PPFIBP2: variants seen among roughly 807,000 people sequenced by gnomAD.
PPFIBP2 encodes PPFIB scaffold protein 2.
PPFIBP2 carries 118 observed loss-of-function variants against 118.3 expected under a neutral mutation model. That is an observed-to-expected ratio of 1.00 (90% CI 0.86 to 1.16). The LOEUF (loss-of-function observed/expected upper bound fraction) is 1.16. Among genes scored for constraint, PPFIBP2 ranks in the 50% most tolerant of loss-of-function variants. The pLI is 0.00. For missense variants in PPFIBP2, 1,195 were observed against 1,073.1 expected (o/e 1.11, Z -1.59); for synonymous variants, 414 against 397.4 (o/e 1.04, Z -0.50).
chr11:7,648,365 A>G (rs1853435708), intron 17 of PPFIBP2, 22 bp from the exon 18 acceptor site: 3 of 1,599,916 alleles, frequency 1.9e-6, no homozygotes, highest in Admixed American at 1.7e-5. Context: ...TAACAGGAAT[A>G]TGCTGTTTTC....
At chr11:7,530,574 C>T (rs116509982) in intron 1 of PPFIBP2, among the ~76,000 whole-genome samples, 4,797 of 152,282 alleles carry the variant, frequency 0.032, 257 homozygotes, top group African/African-American at 0.11. Context: ...CATCTGTGAA[C>T]CAAGAAGCAA....
intron 1 of PPFIBP2, among the ~76,000 whole-genome samples, chr11:7,517,853 G>A (rs748139107): frequency 1.9e-4 from 29 of 152,252 alleles, no homozygotes; most frequent in Non-Finnish European, 3.4e-4. Flanking sequence ...ATCCGAGTAG[G>A]AGGTTTTGGC....
chr11:7,655,590 G>A (rs1854609648), downstream of PPFIBP2: 2 of 1,056,816 alleles, frequency 1.9e-6, no homozygotes, highest in Non-Finnish European at 2.6e-6. Flanking sequence ...CAAGGCCTGG[G>A]GGACGGCGAA....
chr11:7,665,419 G>C, the PPFIBP2 span: 1 of 1,610,448 alleles, frequency 6.2e-7, no homozygotes, highest in Non-Finnish European at 8.5e-7. Flanking sequence ...GCTTCTCCAG[G>C]TTAGGGTGAG....
chr11:7,628,439 A>T, intron 9 of PPFIBP2, 93 bp downstream of exon 9: 25 of 1,141,896 alleles, frequency 2.2e-5, no homozygotes, highest in Non-Finnish European at 3.2e-5. Context: ...GGACAGGACC[A>T]TGCTTATCAT....
chr11:7,565,840 A>C, intron 3 of PPFIBP2, 73 bp downstream of exon 3: 1 of 1,515,102 alleles, frequency 6.6e-7, no homozygotes, highest in Non-Finnish European at 9.0e-7. Context: ...GCCACTGCTG[A>C]CTGGGGCTGT....
chr11:7,576,806 T>G (rs1856396596), intron 3 of PPFIBP2: 1 of 152,370 alleles, frequency 6.6e-6, no homozygotes, highest in South Asian at 2.1e-4. Context: ...GCAAACGCTC[T>G]GTGCTGGGCC....
At chr11:7,558,390 AGAG>A (rs759075831) in intron 2 of PPFIBP2, among the ~76,000 whole-genome samples, 11 of 152,236 alleles carry the variant, frequency 7.2e-5, no homozygotes, top group Non-Finnish European at 1.6e-4. Context: ...GAATGCAAGT[AGAG>A]GAGAACAAAA....
chr11:7,653,917 G>A (rs1854437618), downstream of PPFIBP2: 2 of 700,988 alleles, frequency 2.9e-6, no homozygotes, highest in Non-Finnish European at 2.0e-6. Flanking sequence ...AGCAAGGCGG[G>A]ACCCCCTCCC....
At chr11:7,661,005 AT>A (rs1296649495), downstream of PPFIBP2, among the ~76,000 whole-genome samples, 3 of 151,732 alleles carry the variant, frequency 2.0e-5, no homozygotes, top group Admixed American at 6.6e-5. Context: ...CCCCTGTATC[AT>A]TTTTTATTGT....
At chr11:7,552,042 G>T (rs117570206) in intron 2 of PPFIBP2, among the ~76,000 whole-genome samples, 5 of 152,196 alleles carry the variant, frequency 3.3e-5, no homozygotes, top group Non-Finnish European at 7.3e-5. Context: ...ATCTAGAAGG[G>T]CTCCTGGGCT....
chr11:7,629,081 T>C (rs775082890), intron 9 of PPFIBP2, among the ~76,000 whole-genome samples: 3 of 152,338 alleles, frequency 2.0e-5, no homozygotes, highest in Middle Eastern at 3.4e-3. Flanking sequence ...ATGAGTATAT[T>C]GAGATAAATA....
chr11:7,651,915 C>T (rs186459883), intron 23 of PPFIBP2, 71 bp downstream of exon 23: 204 of 1,389,814 alleles, frequency 1.5e-4, no homozygotes, highest in African/African-American at 6.7e-4. Flanking sequence ...GCACCTGGCG[C>T]GATGCCCACA....
At chr11:7,575,055 G>T (rs1856121082) in intron 3 of PPFIBP2, among the ~76,000 whole-genome samples, 1 of 152,052 alleles carries the variant, frequency 6.6e-6, no homozygotes, top group African/African-American at 2.4e-5. Context: ...GCTAACAGAG[G>T]AAATGGGCCC....
intron 3 of PPFIBP2, among the ~76,000 whole-genome samples, chr11:7,583,227 C>T (rs1012275829): frequency 1.3e-5 from 2 of 152,214 alleles, no homozygotes; most frequent in African/African-American, 4.8e-5. Context: ...CCTTTGTATT[C>T]ATTTCCATTT....
downstream of PPFIBP2, chr11:7,657,178 G>C (rs1344049144): frequency 4.9e-6 from 1 of 205,792 alleles, no homozygotes; most frequent in African/African-American, 2.3e-5. Context: ...AAAACCTGCT[G>C]GAAAAAAAGT....
At position 7,649,532 on chromosome 11, in the gene PPFIBP2, A is replaced by G. The variant is rs112714017; in HGVS notation, c.1999A>G (p.Asn667Asp). 1.5e-5 allele frequency: 24 copies of G among 1,614,088 alleles called. No homozygotes were observed. The highest frequency in any genetic ancestry group is 1.6e-4 in the Middle Eastern group (1 of 6,062). Reference protein sequence around the residue: ...DRRMLQYLTVNDLLFLKVTSQ... With the variant: ...DRRMLQYLTVDDLLFLKVTSQ... ...TATAAACCAAACTTTCCTCTTTCAG[A>G]ACGATTTACTCTTCTTAAAAGTCAC... is the stretch of plus-strand genomic sequence containing the variant. The change falls in exon 21 of 24, where the codon AAC (asparagine) becomes GAC (aspartate). Residue 667 changes from asparagine to aspartate, a missense_variant and splice_region_variant. Asn to Asp is a conservative substitution (Grantham distance 23). Coordinates refer to ENST00000299492, the MANE Select transcript of PPFIBP2 (RefSeq NM_003621.5).
chr11:7,529,324 T>A (rs1039443496), intron 1 of PPFIBP2, among the ~76,000 whole-genome samples: 1 of 152,194 alleles, frequency 6.6e-6, no homozygotes, highest in African/African-American at 2.4e-5. Context: ...ATGGAGTTAA[T>A]GAGACAGATC....
At chr11:7,646,294 A>G (rs1240317683) in intron 17 of PPFIBP2, among the ~76,000 whole-genome samples, 4 of 152,260 alleles carry the variant, frequency 2.6e-5, no homozygotes, top group African/African-American at 4.8e-5. Flanking sequence ...CCATAGCGTT[A>G]GAAAACTTGA....
Sources: allele counts gnomAD v4.1 joint callset (sites outside exome capture counted in the v4.1 genomes callset), GRCh38; gene constraint gnomAD v4.1.1; transcripts MANE v1.5; gene names NCBI Gene and HGNC (gene_info 2026-07-23, HGNC 2026-07-21).